Variants in TACR3 observed in about 807,000 individuals in gnomAD.
TACR3 encodes neuromedin-K receptor.
TACR3 carries 34 observed loss-of-function variants against 35.0 expected under a neutral mutation model. The observed-to-expected ratio is 0.97, with a 90% CI of 0.74 to 1.30. TACR3 has a LOEUF of 1.30. Ranked by LOEUF, TACR3 falls within the 50% of genes most tolerant of loss-of-function variation. The pLI is 0.00. For missense variants in TACR3, 558 were observed against 591.7 expected, an observed-to-expected ratio of 0.94 and a Z score of 0.59; for synonymous variants, 233 against 221.1, an observed-to-expected ratio of 1.05 and a Z score of -0.48.
intron 3 of TACR3, among the ~76,000 whole-genome samples, chr4:103,633,318 C>T (rs1266309232): frequency 6.6e-6 from 1 of 152,020 alleles, no homozygotes; most frequent in African/African-American, 2.4e-5. Flanking sequence ...GAAAGAAATG[C>T]ATGTAGATTT....
chr4:103,660,043 C>T (rs1725807848), intron 1 of TACR3, among the ~76,000 whole-genome samples: 1 of 151,634 alleles, frequency 6.6e-6, no homozygotes, highest in African/African-American at 2.4e-5. Context: ...TCGCATAGGC[C>T]AAAAAATGTT....
intron 1 of TACR3, among the ~76,000 whole-genome samples, chr4:103,694,156 G>C (rs1374872327): frequency 6.6e-6 from 1 of 151,730 alleles, no homozygotes; most frequent in Non-Finnish European, 1.5e-5. Context: ...TTAAAATATA[G>C]CTTGAAGTGT....
chr4:103,682,024 T>C (rs1208433272), intron 1 of TACR3, among the ~76,000 whole-genome samples: 2 of 152,212 alleles, frequency 1.3e-5, no homozygotes, highest in African/African-American at 4.8e-5. Context: ...ATTAGTTTTA[T>C]TTGGTGTGTA....
At chr4:103,704,888 T>A (rs1160363248) in intron 1 of TACR3, among the ~76,000 whole-genome samples, 1 of 152,176 alleles carries the variant, frequency 6.6e-6, no homozygotes, top group East Asian at 1.9e-4. Flanking sequence ...ATTTAAATAT[T>A]CATGTTAACG....
chr4:103,697,821 T>C (rs903238108), intron 1 of TACR3, among the ~76,000 whole-genome samples: 1 of 152,210 alleles, frequency 6.6e-6, no homozygotes, highest in Non-Finnish European at 1.5e-5. Context: ...AATATGTATT[T>C]ATTCTATCTT....
intron 1 of TACR3, 61 bp from the exon 2 acceptor site, chr4:103,658,464 GTTTCAAAGGTA>G (rs1467904450): frequency 6.7e-7 from 1 of 1,491,118 alleles, no homozygotes; most frequent in Non-Finnish European, 9.3e-7. Flanking sequence ...TTGAAATGGA[GTTTCAAAGGTA>G]TTTCAAAGGC....
At chr4:103,710,004 T>C (rs1367518231) in intron 1 of TACR3, among the ~76,000 whole-genome samples, 2 of 152,148 alleles carry the variant, frequency 1.3e-5, no homozygotes, top group South Asian at 2.1e-4. Flanking sequence ...CCCAGATTCA[T>C]AAAGCAAGTC....
At chr4:103,706,235 T>C (rs1049057871) in intron 1 of TACR3, among the ~76,000 whole-genome samples, 3 of 152,114 alleles carry the variant, frequency 2.0e-5, no homozygotes, top group Non-Finnish European at 2.9e-5. Flanking sequence ...GACATCCAAG[T>C]AGAAATGTCA....
At chr4:103,704,847 G>C (rs1047604667) in intron 1 of TACR3, among the ~76,000 whole-genome samples, 1 of 152,012 alleles carries the variant, frequency 6.6e-6, no homozygotes, top group Admixed American at 6.6e-5. Flanking sequence ...AGCAAGAAAT[G>C]GTTTATAAGT....
intron 3 of TACR3, among the ~76,000 whole-genome samples, chr4:103,650,552 A>G (rs1159622838): frequency 3.4e-5 from 3 of 88,472 alleles, no homozygotes; most frequent in African/African-American, 1.9e-4. Flanking sequence ...TATAAAATAA[A>G]TTTAATAAAA....
At chr4:103,684,387 T>G (rs1362936143) in intron 1 of TACR3, among the ~76,000 whole-genome samples, 1 of 152,100 alleles carries the variant, frequency 6.6e-6, no homozygotes, top group African/African-American at 2.4e-5. Context: ...CAGGTTCAAG[T>G]GACAAAATCA....
intron 1 of TACR3, among the ~76,000 whole-genome samples, chr4:103,690,489 TA>T (rs1722379003): frequency 6.6e-6 from 1 of 152,022 alleles, no homozygotes; most frequent in African/African-American, 2.4e-5. Flanking sequence ...TATACGTCAA[TA>T]TGCATGAAGC....
At chr4:103,591,189 CTTCTTT>C (rs1723885297) in intron 4 of TACR3, 2 of 430,520 alleles carry the variant, frequency 4.6e-6, no homozygotes, top group Admixed American at 7.7e-5. Context: ...CATGAGGGCA[CTTCTTT>C]TTCTTTGGCA....
At chr4:103,664,995 T>C (rs560288829) in intron 1 of TACR3, among the ~76,000 whole-genome samples, 38 of 151,568 alleles carry the variant, frequency 2.5e-4, no homozygotes, top group African/African-American at 8.7e-4. Context: ...GTATTTCTTG[T>C]AGAGATGAGG....
intron 3 of TACR3, among the ~76,000 whole-genome samples, chr4:103,622,331 A>C (rs1724801001): frequency 6.6e-6 from 1 of 152,232 alleles, no homozygotes; most frequent in South Asian, 2.1e-4. Flanking sequence ...AAAATAGGTC[A>C]TGGTTCAGAA....
At chr4:103,695,422 A>G (rs55888159) in intron 1 of TACR3, among the ~76,000 whole-genome samples, 18,056 of 152,176 alleles carry the variant, frequency 0.12, 1,475 homozygotes, top group East Asian at 0.43. Flanking sequence ...AAAGACCTGT[A>G]TGATGATCCA....
chr4:103,637,502 G>A (rs1233485913), intron 3 of TACR3, among the ~76,000 whole-genome samples: 1 of 152,028 alleles, frequency 6.6e-6, no homozygotes, highest in Non-Finnish European at 1.5e-5. Context: ...GGCAAAAACT[G>A]GAAGCATTCC....
chr4:103,689,184 G>A (rs536596424), intron 1 of TACR3, among the ~76,000 whole-genome samples: 1 of 148,358 alleles, frequency 6.7e-6, no homozygotes, highest in African/African-American at 2.5e-5. Context: ...CTCACTCATA[G>A]GTGGGAATTG....
intron 1 of TACR3, among the ~76,000 whole-genome samples, chr4:103,664,253 A>G (rs1446894157): frequency 2.0e-5 from 3 of 152,104 alleles, no homozygotes; most frequent in Non-Finnish European, 4.4e-5. Context: ...GATATAATTG[A>G]GGTGGTCTTT....
Sources: allele counts gnomAD v4.1 joint callset (sites outside exome capture counted in the v4.1 genomes callset), GRCh38; gene constraint gnomAD v4.1.1; transcripts MANE v1.5; gene names NCBI Gene and HGNC (gene_info 2026-07-23, HGNC 2026-07-21).